Variants in TMEM182 observed in about 807,000 individuals in gnomAD.
The protein encoded by TMEM182 is transmembrane protein 182.
Under a neutral mutation model 26.8 loss-of-function variants are expected in TMEM182, and 20 were observed. The observed-to-expected ratio is 0.75, with a 90% confidence interval of 0.53 to 1.09. TMEM182 has a LOEUF of 1.09. TMEM182 is among the 50% of genes least tolerant of loss of function. The pLI, the probability that TMEM182 is intolerant of heterozygous loss-of-function variation, is 0.00. For synonymous variants in TMEM182, 109 were observed against 102.2 expected (o/e 1.07, Z -0.40); for missense variants, 277 against 275.5 (o/e 1.01, Z -0.04).
chr2:102,825,496 A>G (rs1683015956), intron 3 of TMEM182, among the ~76,000 whole-genome samples: 1 of 152,230 alleles, frequency 6.6e-6, no homozygotes, highest in Admixed American at 6.5e-5. Context: ...AAGCCAGCAT[A>G]GCTCAGACAC....
intron 3 of TMEM182, among the ~76,000 whole-genome samples, chr2:102,780,775 C>T (rs1316779210): frequency 6.6e-6 from 1 of 152,148 alleles, no homozygotes; most frequent in Non-Finnish European, 1.5e-5. Context: ...AGTGTACACT[C>T]TCAGTTTTTG....
intron 4 of TMEM182, among the ~76,000 whole-genome samples, chr2:102,803,616 A>G (rs1048627232): frequency 5.9e-5 from 9 of 152,154 alleles, no homozygotes; most frequent in African/African-American, 1.9e-4. Flanking sequence ...GTAATTCAGG[A>G]TTTTTTTCTC....
chr2:102,824,591 G>A (rs577381741), intron 3 of TMEM182, among the ~76,000 whole-genome samples: 11 of 152,246 alleles, frequency 7.2e-5, no homozygotes, highest in East Asian at 1.9e-4. Flanking sequence ...TTGGGAGGCC[G>A]AGGTGGGCAG....
rs1329319475 is a variant in TMEM182, at chr2:102,815,062, A to G, written c.*94A>G. On this transcript the variant is annotated 3_prime_UTR_variant, in exon 5 of 5. Transcript: ENST00000412401. ...TCATTGATCCCAGCATAAAGTTAGT[A>G]GATATAACTTTTTAGTTGCTATTCA... is the stretch of plus-strand genomic sequence containing the variant. 3 of 1,492,618 alleles carry G rather than the reference A, an allele frequency of 2.0e-6. No homozygotes were observed. Among genetic ancestry groups the G allele is most frequent in the African/African-American group, 2.8e-5 (2 of 70,802 alleles). The allele number at this position is 1,492,618 out of a possible 1,614,324, so 92.5% of individuals were successfully genotyped here. A position where few individuals can be genotyped will look rare whatever the true frequency, so the allele number is the denominator to read the frequency against.
At chr2:102,754,231 T>G (rs1244790702) in intron 1 of TMEM182, among the ~76,000 whole-genome samples, 2 of 152,180 alleles carry the variant, frequency 1.3e-5, no homozygotes, top group East Asian at 3.8e-4. Context: ...GAACTCAGAA[T>G]TTTGGAGATT....
At chr2:102,753,891 T>A (rs1206034797) in intron 1 of TMEM182, among the ~76,000 whole-genome samples, 5 of 152,238 alleles carry the variant, frequency 3.3e-5, no homozygotes, top group Non-Finnish European at 5.9e-5. Context: ...TTGTCCTATA[T>A]AGTTTATTTG....
chr2:102,811,915 T>G (rs1682567793), intron 4 of TMEM182, among the ~76,000 whole-genome samples: 1 of 152,202 alleles, frequency 6.6e-6, no homozygotes, highest in Non-Finnish European at 1.5e-5. Flanking sequence ...GGCATCAAGA[T>G]CTGGACACTT....
At chr2:102,762,760 CA>C in intron 2 of TMEM182, 74 bp downstream of exon 2, 2 of 1,248,090 alleles carry the variant, frequency 1.6e-6, no homozygotes, top group Non-Finnish European at 2.3e-6. Flanking sequence ...TAGTATATGT[CA>C]CTTCTAGCGG....
rs185418708 is a variant in TMEM182 at position 102,816,167 on chromosome 2, A to T, written c.*1199A>T. ...TTTGGCACTAATGTTGATTGAAATC[A>T]AATCCATCTGAGATGCCTAGCTCGT... On this transcript the variant is annotated 3_prime_UTR_variant, in exon 5 of 5. Coordinates refer to ENST00000412401, the MANE Select transcript of TMEM182 (RefSeq NM_144632.5). The T allele has an allele frequency of 1.0e-6, 1 of 985,414 alleles. No homozygotes were observed. The highest frequency in any genetic ancestry group is 1.7e-5 in the African/African-American group (1 of 57,342). 61.0% of individuals were successfully genotyped at this position (985,414 alleles called of 1,614,324 possible). A position where few individuals can be genotyped will look rare whatever the true frequency, so the allele number is the denominator to read the frequency against.
intron 3 of TMEM182, among the ~76,000 whole-genome samples, chr2:102,787,671 C>T (rs1659916712): frequency 6.6e-6 from 1 of 152,176 alleles, no homozygotes; most frequent in African/African-American, 2.4e-5. Context: ...TTCTGGCGGA[C>T]ATAGCAGGAG....
At chr2:102,826,605 T>C (rs1416490072) in intron 3 of TMEM182, among the ~76,000 whole-genome samples, 1 of 152,206 alleles carries the variant, frequency 6.6e-6, no homozygotes, top group African/African-American at 2.4e-5. Flanking sequence ...AGTTTTGAAT[T>C]GCCGTACCAT....
chr2:102,835,218 A>G (rs1683222151), intron 3 of TMEM182, among the ~76,000 whole-genome samples: 1 of 152,230 alleles, frequency 6.6e-6, no homozygotes, highest in Admixed American at 6.5e-5. Flanking sequence ...CATTCAACAA[A>G]TATATTTTGG....
intron 4 of TMEM182, among the ~76,000 whole-genome samples, chr2:102,810,144 G>GTT (rs1682498017): frequency 6.6e-6 from 1 of 152,080 alleles, no homozygotes; most frequent in South Asian, 2.1e-4. Flanking sequence ...AAAAATACAT[G>GTT]TAAGAGTATA....
At chr2:102,762,014 G>A (rs1680229776), upstream of TMEM182, 4 of 465,818 alleles carry the variant, frequency 8.6e-6, no homozygotes, top group Non-Finnish European at 1.2e-5. Context: ...TCCTCCAGGG[G>A]CGAGCAAAGG....
At chr2:102,783,410 T>G (rs1681255153) in intron 3 of TMEM182, among the ~76,000 whole-genome samples, 1 of 152,210 alleles carries the variant, frequency 6.6e-6, no homozygotes, top group Admixed American at 6.5e-5. Context: ...TGCTGTTGAT[T>G]CTCTTTTTAT....
upstream of TMEM182, among the ~76,000 whole-genome samples, chr2:102,761,500 T>C (rs1680210054): frequency 6.6e-6 from 1 of 152,230 alleles, no homozygotes; most frequent in Non-Finnish European, 1.5e-5. Context: ...CTTTATACTT[T>C]CAACAATTAT....
At chr2:102,821,886 G>T (rs1682923145), downstream of TMEM182, among the ~76,000 whole-genome samples, 1 of 151,922 alleles carries the variant, frequency 6.6e-6, no homozygotes, top group South Asian at 2.1e-4. Flanking sequence ...TACTCGGGAG[G>T]CTGAGGAAGG....
intron 1 of TMEM182, among the ~76,000 whole-genome samples, chr2:102,737,633 T>G (rs914352897): frequency 6.6e-6 from 1 of 151,346 alleles, no homozygotes; most frequent in Non-Finnish European, 1.5e-5. Context: ...AACTGAGAGG[T>G]CAGCAGGAGT....
intron 3 of TMEM182, among the ~76,000 whole-genome samples, chr2:102,768,846 T>C (rs920029750): frequency 1.3e-5 from 2 of 151,990 alleles, no homozygotes; most frequent in African/African-American, 2.4e-5. Context: ...CTTATAGAAG[T>C]GTAAGCTGAA....
Sources: allele counts gnomAD v4.1 joint callset (sites outside exome capture counted in the v4.1 genomes callset), GRCh38; gene constraint gnomAD v4.1.1; transcripts MANE v1.5; gene names NCBI Gene and HGNC (gene_info 2026-07-23, HGNC 2026-07-21).